The following PTPRN2 variants were observed in gnomAD, a reference collection of about 807,000 sequenced individuals.
PTPRN2 encodes receptor-type tyrosine-protein phosphatase N2.
In PTPRN2, 74 loss-of-function variants were observed where a neutral mutation model predicts 118.8. The observed-to-expected ratio is 0.62, with a 90% confidence interval of 0.52 to 0.76. PTPRN2 has a LOEUF of 0.76. PTPRN2 is among the 30% of genes least tolerant of loss of function. The pLI is 0.00. For missense variants in PTPRN2, 1,481 were observed against 1,394.4 expected (o/e 1.06, Z -0.99); for synonymous variants, 641 against 608.0 (o/e 1.05, Z -0.80).
Position 158,064,327 on chromosome 7 carries a change from G to T in PTPRN2, c.1723+16971C>A, listed in dbSNP as rs56139119. Among the ~76,000 whole-genome samples, 382 of 152,180 alleles carry T rather than the reference G, an allele frequency of 2.5e-3. 1 individual carries two copies. The highest frequency in any genetic ancestry group is 9.0e-3 in the African/African-American group (372 of 41,480). ...CCGGGACATGCACAGCATTCTCCTGGGGACGTCTCTCAGGACCTGTTACCC... is the reference window on the plus strand; with the variant it reads ...CCGGGACATGCACAGCATTCTCCTGTGGACGTCTCTCAGGACCTGTTACCC... On this transcript the variant is annotated intron_variant, in intron 11 of 22. Coordinates refer to ENST00000389418, the MANE Select transcript of PTPRN2 (RefSeq NM_002847.5).
rs1334752651 is a variant in PTPRN2, at chr7:158,557,106, T to C, written c.112+30452A>G. 3.0e-5 allele frequency among the ~76,000 whole-genome samples: 3 copies of C among 100,548 alleles called. No homozygotes were observed. In the Admixed American group the frequency reaches 3.2e-4, roughly 11 times the overall value. 66.0% of individuals were successfully genotyped at this position (100,548 alleles called of 152,430 possible). ...AGGCGGCTCCTGTGCAGGTCGCTCC[T>C]GGGCAGGTCGCTCCCGCGCAGGGCA... On this transcript the variant is annotated intron_variant, in intron 1 of 22. Transcript: ENST00000389418.
intron 6 of PTPRN2, among the ~76,000 whole-genome samples, chr7:158,164,357 G>A (rs1407904641): frequency 2.6e-5 from 1 of 38,838 alleles, no homozygotes; most frequent in African/African-American, 5.8e-5. Context: ...CGCGTAAGAA[G>A]GGCACGCAGA....
chr7:157,626,433 A>T (rs1803572315), intron 14 of PTPRN2, among the ~76,000 whole-genome samples: 1 of 152,072 alleles, frequency 6.6e-6, no homozygotes, highest in African/African-American at 2.4e-5. Context: ...TTTTTCTGTA[A>T]TGAACCGACC....
At position 157,906,822 on chromosome 7, in the gene PTPRN2, C is replaced by T. The variant is rs1275313134; in HGVS notation, c.1724-8085G>A. On this transcript the variant is annotated intron_variant, in intron 11 of 22. Transcript: ENST00000389418. ...GGAGGGGCAGGGTAGGAAGGACCCA[C>T]GTGTCCTGAGCCCCTCTAGACTGGG... Among the ~76,000 whole-genome samples, 5 of 152,156 alleles carry T rather than the reference C, an allele frequency of 3.3e-5. No homozygotes were observed. In the East Asian group the frequency reaches 5.8e-4, roughly 18 times the overall value.
At chr7:157,571,702 T>C (rs1799766326) in intron 19 of PTPRN2, among the ~76,000 whole-genome samples, 1 of 152,228 alleles carries the variant, frequency 6.6e-6, no homozygotes, top group South Asian at 2.1e-4. Context: ...TTAAAACCAA[T>C]GTTACACCTC....
Position 157,621,363 on chromosome 7 carries a change from G to C in PTPRN2, c.2343C>G (p.Thr781=). The change falls in exon 15 of 23, where the codon ACC becomes ACG. Residue 781 remains threonine (T), a splice_region_variant and synonymous_variant. Transcript: ENST00000389418. ...CCTGCCCCCGGGGCTGGTACGTACA[G>C]GTCAGCACGGCCAGGGAGCGGTTCT... ...VPKNRSLAVL[T]YDHSRVLLKA... is the part of the protein sequence containing the mutation. 1 of 1,611,928 alleles carries C rather than the reference G, an allele frequency of 6.2e-7. No homozygotes were observed. The highest frequency in any genetic ancestry group is 8.5e-7 in the Non-Finnish European group (1 of 1,178,484).
intron 2 of PTPRN2, among the ~76,000 whole-genome samples, chr7:158,338,576 A>G (rs1586363746): frequency 7.5e-5 from 9 of 119,864 alleles, no homozygotes; most frequent in African/African-American, 6.9e-5. Flanking sequence ...GACGTCACTC[A>G]CACCCACACT....
At chr7:157,849,513 G>C (rs1237301073) in intron 12 of PTPRN2, among the ~76,000 whole-genome samples, 1 of 152,172 alleles carries the variant, frequency 6.6e-6, no homozygotes, top group Admixed American at 6.5e-5. Context: ...AGAGTGACCA[G>C]CCTGGGCCAA....
chr7:158,270,806 T>C (rs6961568), intron 3 of PTPRN2, among the ~76,000 whole-genome samples: 160 of 6,364 alleles, frequency 0.025, 10 homozygotes, highest in South Asian at 0.047. Context: ...GACCACCCCC[T>C]CACCTGGACC....
rs1018149058 is a variant in PTPRN2 at position 157,671,199 on chromosome 7, G to A, written c.2001+11526C>T. On this transcript the variant is annotated intron_variant, in intron 13 of 22. Transcript: ENST00000389418. The surrounding 1 kb of genome is among the most constrained non-coding windows in gnomAD (Gnocchi z 4.1). Reference sequence around the variant, plus strand: ...TCTTATCGAGCATGTAAAGGTCCCCGGTGGGTGCTGTGGGTCTATTGGACA... The same window carrying A: ...TCTTATCGAGCATGTAAAGGTCCCCAGTGGGTGCTGTGGGTCTATTGGACA... 2.6e-5 allele frequency among the ~76,000 whole-genome samples: 4 copies of A among 151,736 alleles called. No homozygotes were observed. Among genetic ancestry groups the A allele is most frequent in the Non-Finnish European group, 4.4e-5 (3 of 68,006 alleles).
chr7:158,370,889 A>G (rs1809936490), intron 2 of PTPRN2, among the ~76,000 whole-genome samples: 1 of 152,246 alleles, frequency 6.6e-6, no homozygotes, highest in Non-Finnish European at 1.5e-5. Flanking sequence ...GAGTTTACTA[A>G]ATACCACACA....
chr7:158,490,638 G>C (rs1470470146), intron 1 of PTPRN2, among the ~76,000 whole-genome samples: 1 of 152,260 alleles, frequency 6.6e-6, no homozygotes, highest in Non-Finnish European at 1.5e-5. Context: ...GGGCCCCAGG[G>C]CCACTAGGCG....
At chr7:158,234,280 A>C (rs1563634024) in intron 3 of PTPRN2, among the ~76,000 whole-genome samples, 1 of 147,458 alleles carries the variant, frequency 6.8e-6, no homozygotes, top group African/African-American at 2.4e-5. Flanking sequence ...GCAAAAAAAA[A>C]ACAAACCTCT....
chr7:158,019,277 T>A (rs996821763), intron 11 of PTPRN2, among the ~76,000 whole-genome samples: 1 of 152,258 alleles, frequency 6.6e-6, no homozygotes, highest in East Asian at 1.9e-4. Context: ...CAAATGATAT[T>A]TATTTTGTTT....
intron 5 of PTPRN2, among the ~76,000 whole-genome samples, chr7:158,188,361 C>CT (rs1491214987): frequency 4.2e-5 from 1 of 23,846 alleles, no homozygotes; most frequent in Non-Finnish European, 8.2e-5. Context: ...CGCTCGCCGC[C>CT]TGATGGGGAA....
chr7:158,374,764 G>T (rs996309481), intron 2 of PTPRN2, among the ~76,000 whole-genome samples: 10 of 152,168 alleles, frequency 6.6e-5, no homozygotes, highest in African/African-American at 2.4e-4. Flanking sequence ...AGCATATCGT[G>T]CAAAGGAATG....
At chr7:158,312,164 CTGCACA>C (rs914531713) in intron 3 of PTPRN2, among the ~76,000 whole-genome samples, 3 of 146,450 alleles carry the variant, frequency 2.0e-5, no homozygotes, top group African/African-American at 7.7e-5. Flanking sequence ...GCACACACAC[CTGCACA>C]TGCACTCACA....
In PTPRN2 at chr7:157,780,224, G is replaced by A. The variant is rs751292278; in HGVS notation, c.1789-97287C>T. ...CCTGGTCTACCTCCAGCACAAGGAC[G>A]TTCCTCAGAGCAAGGCATTTGCTCG... On this transcript the variant is annotated intron_variant, in intron 12 of 22. Transcript: ENST00000389418. This position sits in a 1 kb window ranked among gnomAD's most constrained non-coding sequence, Gnocchi z 4.5. 5.3e-5 allele frequency among the ~76,000 whole-genome samples: 8 copies of A among 152,172 alleles called. No homozygotes were observed. Among genetic ancestry groups the A allele is most frequent in the East Asian group, 1.9e-4 (1 of 5,198 alleles).
At chr7:157,642,180 C>G (rs143814483) in intron 14 of PTPRN2, among the ~76,000 whole-genome samples, 41 of 152,352 alleles carry the variant, frequency 2.7e-4, no homozygotes, top group African/African-American at 8.7e-4. Flanking sequence ...CCCTTCACCC[C>G]CTTTTGCCCC....
Sources: gnomAD v4.1 joint callset for allele counts (sites outside exome capture counted in the v4.1 genomes callset) on GRCh38, gnomAD v4.1.1 for gene constraint, Gnocchi (gnomAD v3.1) non-coding constraint, MANE v1.5 for transcripts, NCBI Gene and HGNC (gene_info 2026-07-23, HGNC 2026-07-21) for gene names.